IFT25: variants seen among roughly 807,000 people sequenced by gnomAD.
The protein encoded by IFT25 is intraflagellar transport protein 25 homolog.
At chr1:53,921,936 T>C in the IFT25 span, among the ~76,000 whole-genome samples, 1 of 152,208 alleles carries the variant, frequency 6.6e-6, no homozygotes, top group African/African-American at 2.4e-5. Context: ...AATACCAGCC[T>C]TGATTTGATG....
At chr1:53,946,288 C>T in the IFT25 span, 1 of 151,990 alleles carries the variant, frequency 6.6e-6, no homozygotes, top group Non-Finnish European at 1.5e-5. Flanking sequence ...TGGGCCTGGC[C>T]CCGCCTCCAG....
chr1:53,942,829 A>G, the IFT25 span, among the ~76,000 whole-genome samples: 5 of 152,362 alleles, frequency 3.3e-5, no homozygotes, highest in African/African-American at 1.2e-4. Flanking sequence ...AGGAAGATGA[A>G]TAAGCATGAA....
the IFT25 span, among the ~76,000 whole-genome samples, chr1:53,925,967 T>C: frequency 6.7e-6 from 1 of 150,058 alleles, no homozygotes; most frequent in East Asian, 2.0e-4. Flanking sequence ...CCAGGCAACG[T>C]GGTGCACGCC....
At chr1:53,922,232 T>TA in the IFT25 span, among the ~76,000 whole-genome samples, 16 of 152,282 alleles carry the variant, frequency 1.1e-4, no homozygotes, top group South Asian at 2.7e-3. Context: ...CTGTCTCTAC[T>TA]AAAAATACGA....
the IFT25 span, among the ~76,000 whole-genome samples, chr1:53,941,649 G>A: frequency 1.2e-4 from 18 of 152,054 alleles, no homozygotes; most frequent in Admixed American, 6.5e-4. Flanking sequence ...GGAGAAAGAT[G>A]GTGAATTCTG....
At chr1:53,937,933 C>T in the IFT25 span, among the ~76,000 whole-genome samples, 1 of 152,044 alleles carries the variant, frequency 6.6e-6, no homozygotes, top group Non-Finnish European at 1.5e-5. Context: ...GGGACACAGG[C>T]AAAAAGTGGA....
the IFT25 span, among the ~76,000 whole-genome samples, chr1:53,924,368 C>A: frequency 2.0e-5 from 3 of 152,188 alleles, no homozygotes; most frequent in Non-Finnish European, 4.4e-5. Context: ...CTGAGTTTCT[C>A]AGTGAAACTT....
At chr1:53,938,126 G>A in the IFT25 span, among the ~76,000 whole-genome samples, 1 of 152,074 alleles carries the variant, frequency 6.6e-6, no homozygotes, top group Non-Finnish European at 1.5e-5. Flanking sequence ...CTTTACAACG[G>A]GGTTGAAAAT....
chr1:53,932,225 C>T, the IFT25 span, among the ~76,000 whole-genome samples: 5 of 151,994 alleles, frequency 3.3e-5, no homozygotes, highest in East Asian at 7.7e-4. Flanking sequence ...GTGGCACATG[C>T]CGGTAGTCTC....
chr1:53,922,733 G>A, the IFT25 span, among the ~76,000 whole-genome samples: 1 of 152,108 alleles, frequency 6.6e-6, no homozygotes, highest in Non-Finnish European at 1.5e-5. Flanking sequence ...TTAAATGTAT[G>A]CCAACTGGCA....
At chr1:53,916,622 A>G in the IFT25 span, 1 of 270,672 alleles carries the variant, frequency 3.7e-6, no homozygotes. Flanking sequence ...TATAATTCAC[A>G]TTCCTTCTCA....
chr1:53,917,664 T>TA, the IFT25 span, among the ~76,000 whole-genome samples: 18 of 151,918 alleles, frequency 1.2e-4, no homozygotes, highest in East Asian at 1.7e-3. Context: ...CCAACTCTAC[T>TA]AAAAATACAA....
the IFT25 span, among the ~76,000 whole-genome samples, chr1:53,912,411 C>T: frequency 1.3e-5 from 2 of 152,202 alleles, no homozygotes; most frequent in African/African-American, 4.8e-5. Context: ...TGTCCTCCAG[C>T]AGCTTAATCT....
the IFT25 span, among the ~76,000 whole-genome samples, chr1:53,942,365 T>A: frequency 1.3e-5 from 2 of 152,194 alleles, no homozygotes; most frequent in Non-Finnish European, 2.9e-5. Flanking sequence ...AAAATATTTT[T>A]AAAAATCAAA....
chr1:53,939,074 CAAAAAAA>C, the IFT25 span, among the ~76,000 whole-genome samples: 43 of 22,550 alleles, frequency 1.9e-3, no homozygotes, highest in South Asian at 0.012. Context: ...AACTCCGTCT[CAAAAAAA>C]AAAAAAAAAA....
At chr1:53,921,695 T>C in the IFT25 span, 3 of 1,613,490 alleles carry the variant, frequency 1.9e-6, no homozygotes, top group East Asian at 2.2e-5. Context: ...GCAGAAACGC[T>C]ATGCACAGAT....
chr1:53,933,537 C>T, the IFT25 span, among the ~76,000 whole-genome samples: 2 of 152,224 alleles, frequency 1.3e-5, no homozygotes, highest in Non-Finnish European at 2.9e-5. Context: ...AATATAACTA[C>T]AGCGACTTTC....
At chr1:53,931,580 A>T in the IFT25 span, among the ~76,000 whole-genome samples, 1 of 152,184 alleles carries the variant, frequency 6.6e-6, no homozygotes, top group Admixed American at 6.5e-5. Flanking sequence ...TTTCCAATTG[A>T]TCTTGTGTTA....
chr1:53,921,298 T>C, the IFT25 span, among the ~76,000 whole-genome samples: 2 of 152,242 alleles, frequency 1.3e-5, no homozygotes, highest in African/African-American at 4.8e-5. Flanking sequence ...TTGTTTACTG[T>C]CTATATTGCT....
Sources: allele counts gnomAD v4.1 joint callset (sites outside exome capture counted in the v4.1 genomes callset), GRCh38; gene constraint gnomAD v4.1.1; transcripts MANE v1.5; gene names NCBI Gene and HGNC (gene_info 2026-07-23, HGNC 2026-07-21).